Variants in KCNJ6 observed in about 807,000 individuals in gnomAD.
KCNJ6 encodes potassium inwardly rectifying channel subfamily J member 6.
Under a neutral mutation model 34.2 loss-of-function variants are expected in KCNJ6, and 9 were observed. The ratio of observed to expected loss-of-function variants is 0.26; its 90% CI spans 0.16 to 0.46. The LOEUF is 0.46. Ranked by LOEUF, KCNJ6 falls within the 20% of genes least tolerant of loss-of-function variation. The pLI, the probability that KCNJ6 is intolerant of heterozygous loss-of-function variation, is 1.00. For synonymous variants in KCNJ6, 196 were observed against 207.1 expected, an observed-to-expected ratio of 0.95 and a Z score of 0.46; for missense variants, 236 against 531.3, an observed-to-expected ratio of 0.44 and a Z score of 5.46.
At chr21:37,680,989 G>A (rs1204736712) in intron 3 of KCNJ6, among the ~76,000 whole-genome samples, 3 of 152,172 alleles carry the variant, frequency 2.0e-5, no homozygotes, top group Admixed American at 6.5e-5. Context: ...TGCTCGCCAG[G>A]ACAGTCCATT....
chr21:37,796,782 T>TCC (rs71198894), intron 2 of KCNJ6, among the ~76,000 whole-genome samples: 2 of 44,252 alleles, frequency 4.5e-5, no homozygotes, highest in Admixed American at 2.9e-4. Context: ...TTTCTTTCTT[T>TCC]TTTTTTTTTT....
rs957892967 is a variant in KCNJ6, at chr21:37,612,567, C to G, written c.*12592G>C. ...GATGTGGTGTTGGTGAAGGAATAGA[C>G]AAATAGATCAGTGGAACAGAATGGA... is the stretch of plus-strand genomic sequence containing the variant. On this transcript the variant is annotated 3_prime_UTR_variant, in exon 4 of 4. Transcript: ENST00000609713. 2.6e-5 allele frequency: 4 copies of G among 152,070 alleles called. No individual in the cohort carries two copies. Among genetic ancestry groups the G allele is most frequent in the Non-Finnish European group, 5.9e-5 (4 of 68,004 alleles). The allele number at this position is 152,070 out of a possible 1,614,324, so 9.4% of individuals were successfully genotyped here.
At chr21:37,751,746 C>T (rs2054996884) in intron 2 of KCNJ6, among the ~76,000 whole-genome samples, 1 of 152,104 alleles carries the variant, frequency 6.6e-6, no homozygotes, top group African/African-American at 2.4e-5. Context: ...ACACTCTTAC[C>T]AGAAGGGAGA....
At chr21:37,744,434 G>A (rs1601449503) in intron 2 of KCNJ6, among the ~76,000 whole-genome samples, 1 of 152,178 alleles carries the variant, frequency 6.6e-6, no homozygotes, top group East Asian at 1.9e-4. Context: ...AGAATGAGAG[G>A]TCCAGACAGA....
rs2054228359 is a variant in KCNJ6, at chr21:37,607,488, T to TTTA, written c.*17670_*17671insTAA. The stretch of plus-strand genomic sequence containing the variant: ...GATATATATATATATATATATTTTT[T>TTTA]TTTTATTTTAAAAAAATTTGGCATT... On this transcript the variant is annotated 3_prime_UTR_variant, in exon 4 of 4. Transcript: ENST00000609713. 1.4e-5 allele frequency: 1 copy of TTTA among 71,586 alleles called. No homozygotes were observed. Among genetic ancestry groups the TTTA allele is most frequent in the Admixed American group, 1.4e-4 (1 of 7,136 alleles). The allele number at this position is 71,586 out of a possible 1,614,324, so 4.4% of individuals were successfully genotyped here.
intron 1 of KCNJ6, among the ~76,000 whole-genome samples, chr21:37,886,037 T>C (rs2055733931): frequency 6.6e-6 from 1 of 152,144 alleles, no homozygotes; most frequent in African/African-American, 2.4e-5. Context: ...AATGACACGA[T>C]TTGCTTATTA....
chr21:37,817,448 C>G (rs1372108153), intron 2 of KCNJ6, among the ~76,000 whole-genome samples: 1 of 152,148 alleles, frequency 6.6e-6, no homozygotes, highest in Non-Finnish European at 1.5e-5. Flanking sequence ...TTTTGTTTTA[C>G]AAATGAGGAA....
chr21:37,608,014 A>G lies in KCNJ6; in HGVS notation c.*17145T>C, dbSNP rs1165594511. 6.6e-6 allele frequency: 1 copy of G among 152,180 alleles called. No individual in the cohort carries two copies. The highest frequency in any genetic ancestry group is 1.5e-5 in the Non-Finnish European group (1 of 68,042). 9.4% of individuals were successfully genotyped at this position (152,180 alleles called of 1,614,324 possible). ...ATTTCAAAGTGCTTGACAGTTGTGT[A>G]AAGACCTTTTGGTTTTGTCCAGTGA... On this transcript the variant is annotated 3_prime_UTR_variant, in exon 4 of 4. Transcript: ENST00000609713.
chr21:37,636,474 G>A (rs529182496), intron 3 of KCNJ6, among the ~76,000 whole-genome samples: 1 of 152,226 alleles, frequency 6.6e-6, no homozygotes, highest in East Asian at 1.9e-4. Flanking sequence ...GAGCTTCTCT[G>A]TCTGGATGCC....
chr21:37,709,746 A>G (rs1446493543), intron 3 of KCNJ6, among the ~76,000 whole-genome samples: 1 of 152,198 alleles, frequency 6.6e-6, no homozygotes, highest in Admixed American at 6.5e-5. Context: ...TGAAATGGGC[A>G]AAGATTCCCT....
At chr21:37,795,716 A>G (rs996074892) in intron 2 of KCNJ6, among the ~76,000 whole-genome samples, 4 of 151,484 alleles carry the variant, frequency 2.6e-5, no homozygotes, top group Non-Finnish European at 5.9e-5. Context: ...CCTGGGCAAC[A>G]AGAGGGAAAC....
intron 2 of KCNJ6, among the ~76,000 whole-genome samples, chr21:37,808,277 T>A (rs907770537): frequency 3.3e-5 from 5 of 152,222 alleles, no homozygotes; most frequent in African/African-American, 1.2e-4. Flanking sequence ...TGATCTCAAA[T>A]GGGCTGATTA....
intron 2 of KCNJ6, among the ~76,000 whole-genome samples, chr21:37,835,340 A>G (rs537013564): frequency 2.1e-3 from 315 of 152,322 alleles, no homozygotes; most frequent in Middle Eastern, 6.8e-3. Context: ...GGCCAAGTCC[A>G]CTGCCTGTTC....
At chr21:37,643,537 G>C (rs1197919114) in intron 3 of KCNJ6, among the ~76,000 whole-genome samples, 2 of 152,232 alleles carry the variant, frequency 1.3e-5, no homozygotes, top group Non-Finnish European at 2.9e-5. Flanking sequence ...TGGGTAGCTG[G>C]AGGGGCCAGG....
intron 1 of KCNJ6, among the ~76,000 whole-genome samples, chr21:37,849,037 C>T (rs1367852075): frequency 6.6e-6 from 1 of 152,226 alleles, no homozygotes; most frequent in Non-Finnish European, 1.5e-5. Context: ...ATTATCACCA[C>T]AGACCTATCA....
chr21:37,660,851 C>A (rs926427526), intron 3 of KCNJ6, among the ~76,000 whole-genome samples: 1 of 152,140 alleles, frequency 6.6e-6, no homozygotes, highest in Non-Finnish European at 1.5e-5. Flanking sequence ...TCGGTGTCCC[C>A]GTCTGTGCCT....
intron 1 of KCNJ6, among the ~76,000 whole-genome samples, chr21:37,904,638 T>C (rs570537753): frequency 6.6e-6 from 1 of 152,208 alleles, no homozygotes. Flanking sequence ...TCTCCATTCA[T>C]GCTGTTTGGG....
rs1723462864 is a variant in KCNJ6 at position 37,609,893 on chromosome 21, C to T, written c.*15266G>A. The T allele has an allele frequency of 6.6e-6, 1 of 152,146 alleles. No individual in the cohort carries two copies. The highest frequency in any genetic ancestry group is 1.5e-5 in the Non-Finnish European group (1 of 68,032). The allele number at this position is 152,146 out of a possible 1,614,324, so 9.4% of individuals were successfully genotyped here. On this transcript the variant is annotated 3_prime_UTR_variant, in exon 4 of 4. Transcript: ENST00000609713. ...ATTTATTTTCTATCAATGATGCTGA[C>T]CTTCCTTGGACATTTTTCTACTGCA...
intron 3 of KCNJ6, among the ~76,000 whole-genome samples, chr21:37,674,807 G>A (rs551430372): frequency 1.3e-5 from 2 of 152,062 alleles, no homozygotes; most frequent in Non-Finnish European, 2.9e-5. Context: ...TTGGATGTAA[G>A]CTTGGTTTAC....
Sources: allele counts gnomAD v4.1 joint callset (sites outside exome capture counted in the v4.1 genomes callset), GRCh38; gene constraint gnomAD v4.1.1; transcripts MANE v1.5; gene names NCBI Gene and HGNC (gene_info 2026-07-23, HGNC 2026-07-21).